The following KCNQ1 variants were observed in gnomAD, a reference collection of about 807,000 sequenced individuals.
KCNQ1 encodes potassium voltage-gated channel subfamily Q member 1, also known as potassium voltage-gated channel subfamily KQT member 1.
Under a neutral mutation model 72.4 loss-of-function variants are expected in KCNQ1, and 49 were observed. That is an observed-to-expected ratio of 0.68 (90% CI 0.54 to 0.86). The LOEUF (loss-of-function observed/expected upper bound fraction) is 0.86, where lower values mean the gene tolerates loss of function less well. Ranked by LOEUF, KCNQ1 falls within the 40% of genes least tolerant of loss-of-function variation. The pLI, the probability that KCNQ1 is intolerant of heterozygous loss-of-function variation, is 0.00. For missense variants in KCNQ1, 790 were observed against 945.1 expected, an observed-to-expected ratio of 0.84 and a Z score of 2.15; for synonymous variants, 450 against 412.6, an observed-to-expected ratio of 1.09 and a Z score of -1.10.
In KCNQ1 at chr11:2,452,932, A is replaced by G. The variant is rs189546246; in HGVS notation, c.386+7448A>G. Among the ~76,000 whole-genome samples, 341 of 152,332 alleles carry G rather than the reference A, an allele frequency of 2.2e-3. 2 individuals are homozygous for G. The highest frequency in any genetic ancestry group is 7.8e-3 in the African/African-American group (323 of 41,574). Reference sequence around the variant, plus strand: ...AGACTGCACCCACTTGTCACATCACACACCAGGATAGACTCCCAGTGGGTC... The same window carrying G: ...AGACTGCACCCACTTGTCACATCACGCACCAGGATAGACTCCCAGTGGGTC... On this transcript the variant is annotated intron_variant, in intron 1 of 15. Coordinates refer to ENST00000155840, the MANE Select transcript of KCNQ1 (RefSeq NM_000218.3).
At chr11:2,754,913 G>C (rs958527643) in intron 11 of KCNQ1, among the ~76,000 whole-genome samples, 14 of 152,190 alleles carry the variant, frequency 9.2e-5, no homozygotes, top group Admixed American at 2.0e-4. Context: ...GTGACAAGTT[G>C]CAGACTGGCG....
At position 2,585,213 on chromosome 11, in the gene KCNQ1, G is replaced by A. The variant is rs120074183; in HGVS notation, c.1034G>A (p.Gly345Glu). The change falls in exon 8 of 16, where the codon GGG becomes GAG. Residue 345 changes from glycine to glutamate, a missense_variant and splice_region_variant. Gly to Glu is a moderately conservative substitution (Grantham distance 98, BLOSUM62 -2). This residue lies in a region of KCNQ1 where 133 missense variants were observed against 219.5 expected (regional missense o/e 0.61). Coordinates refer to ENST00000155840, the MANE Select transcript of KCNQ1 (RefSeq NM_000218.3). ...AGCCTCCTGTCCATTCCTTCCCAGGGGATTCTTGGCTCGGGGTTTGCCCTG... is the reference window on the plus strand; with the variant it reads ...AGCCTCCTGTCCATTCCTTCCCAGGAGATTCTTGGCTCGGGGTTTGCCCTG... ...FAISFFALPA[G>E]ILGSGFALKV... 1.9e-6 allele frequency: 3 copies of A among 1,613,830 alleles called. No homozygotes were observed. Among genetic ancestry groups the A allele is most frequent in the Admixed American group, 1.7e-5 (1 of 60,006 alleles).
At chr11:2,487,591 G>A (rs1469793118) in intron 1 of KCNQ1, among the ~76,000 whole-genome samples, 1 of 151,802 alleles carries the variant, frequency 6.6e-6, no homozygotes, top group East Asian at 1.9e-4. Context: ...TTACCTCCTT[G>A]GTTAAGTTAA....
chr11:2,616,872 T>C (rs184045767), intron 10 of KCNQ1: 180 of 398,250 alleles, frequency 4.5e-4, no homozygotes, highest in African/African-American at 3.2e-3. Flanking sequence ...GGAGTGTCCA[T>C]ATATGTTTGT....
chr11:2,659,089 G>T lies in KCNQ1; in HGVS notation c.1394-2872G>T. The T allele has an allele frequency of 5.0e-6, 2 of 398,478 alleles. No homozygotes were observed. The highest frequency in any genetic ancestry group is 4.4e-5 in the Admixed American group (1 of 22,726). The allele number at this position is 398,478 out of a possible 1,614,324, so 24.7% of individuals were successfully genotyped here. ...CATCATAGTCTGCTTTTCATCGTAG[G>T]GTCCTCCAACATCCGGGTTAATTTT... On this transcript the variant is annotated intron_variant, in intron 10 of 15. Coordinates refer to ENST00000155840, the MANE Select transcript of KCNQ1 (RefSeq NM_000218.3). This position sits in a 1 kb window ranked among gnomAD's most constrained non-coding sequence, Gnocchi z 4.3.
Position 2,488,799 on chromosome 11 carries a change from T to A in KCNQ1, c.387-39129T>A, listed in dbSNP as rs1345819228. Among the ~76,000 whole-genome samples the A allele has an allele frequency of 6.6e-6, 1 of 152,224 alleles. No homozygotes were observed. Among genetic ancestry groups the A allele is most frequent in the African/African-American group, 2.4e-5 (1 of 41,456 alleles). ...TTAAAATCTTTTCAGAGAAGCAACTTTGATTTAATTGATTTTTCTCTATTG... is the reference window on the plus strand; with the variant it reads ...TTAAAATCTTTTCAGAGAAGCAACTATGATTTAATTGATTTTTCTCTATTG... On this transcript the variant is annotated intron_variant, in intron 1 of 15. Transcript: ENST00000155840. The surrounding 1 kb of genome is among the most constrained non-coding windows in gnomAD (Gnocchi z 5.1).
chr11:2,453,001 A>G (rs1846136767), intron 1 of KCNQ1, among the ~76,000 whole-genome samples: 1 of 152,218 alleles, frequency 6.6e-6, no homozygotes, highest in Non-Finnish European at 1.5e-5. Flanking sequence ...GGAATTCTTT[A>G]CCCTGAGAGC....
chr11:2,580,152 C>T (rs376120068), intron 6 of KCNQ1, among the ~76,000 whole-genome samples: 7 of 152,154 alleles, frequency 4.6e-5, no homozygotes, highest in Admixed American at 1.3e-4. Context: ...ACGCTTGGCA[C>T]GCAAGGCAGG....
chr11:2,588,599 G>T lies in KCNQ1; in HGVS notation c.1252-114G>T. 2 of 1,297,728 alleles carry T rather than the reference G, an allele frequency of 1.5e-6. No individual in the cohort carries two copies. The highest frequency in any genetic ancestry group is 4.7e-5 in the East Asian group (2 of 42,714). 80.4% of individuals were successfully genotyped at this position (1,297,728 alleles called of 1,614,324 possible). ...GGCCCCAGGCCTCAGGTCCCTGTCC[G>T]GGTGTATGTGGCGGGGGCTGGGCTC... On this transcript the variant is annotated intron_variant, in intron 9 of 15. Transcript: ENST00000155840. This position sits in a 1 kb window ranked among gnomAD's most constrained non-coding sequence, Gnocchi z 5.6.
At chr11:2,644,844 T>G in intron 10 of KCNQ1, 1 of 398,706 alleles carries the variant, frequency 2.5e-6, no homozygotes, top group Non-Finnish European at 4.4e-6. Context: ...GGAGTTCCTC[T>G]GTAGTTTAGG....
In KCNQ1 at chr11:2,618,125, C is replaced by G. The variant is rs113339032; in HGVS notation, c.1393+29271C>G. On this transcript the variant is annotated intron_variant, in intron 10 of 15. Transcript: ENST00000155840. ...GCCAGAGCCATGTCGAGCTTTTCCC[C>G]TATGTTTTCTTCTGGTTGTGGGTTT... 243 of 398,424 alleles carry G rather than the reference C, an allele frequency of 6.1e-4. 1 individual carries two copies. The highest frequency in any genetic ancestry group is 8.7e-4 in the Non-Finnish European group (196 of 226,024). 24.7% of individuals were successfully genotyped at this position (398,424 alleles called of 1,614,324 possible).
At chr11:2,639,113 G>A (rs902586970) in intron 10 of KCNQ1, 5 of 152,092 alleles carry the variant, frequency 3.3e-5, no homozygotes, top group East Asian at 1.9e-4. Flanking sequence ...TTAGCCATTC[G>A]TCTAATCTTT....
In KCNQ1 at chr11:2,775,960, C is replaced by G. The variant is rs1381293874; in HGVS notation, c.1591C>G (p.Gln531Glu). Residue 531 changes from glutamine (Q) to glutamate (E), a missense_variant and splice_region_variant, in exon 13 of 16, where the codon CAA becomes GAA. Coordinates refer to ENST00000155840, the MANE Select transcript of KCNQ1 (RefSeq NM_000218.3). ...TGATGCGTGTCTTTTTGTCCCGCAG[C>G]AAGCGCGGAAGCCTTACGATGTGCG... is the stretch of plus-strand genomic sequence containing the variant. ...QYFVAKKKFQ[Q>E]ARKPYDVRDV... is the part of the protein sequence containing the mutation. 1.9e-6 allele frequency: 3 copies of G among 1,556,728 alleles called. No homozygotes were observed.
chr11:2,848,828 C>G lies in KCNQ1; in HGVS notation c.*825C>G, dbSNP rs1325864190. On this transcript the variant is annotated 3_prime_UTR_variant, in exon 16 of 16. Coordinates refer to ENST00000155840, the MANE Select transcript of KCNQ1 (RefSeq NM_000218.3). Reference sequence around the variant, plus strand: ...CCTCCCCTTGCCAGCTGCTGAGCCGCAGAGAAGTGACGGTTCCTACACAGG... The same window carrying G: ...CCTCCCCTTGCCAGCTGCTGAGCCGGAGAGAAGTGACGGTTCCTACACAGG... 2.2e-6 allele frequency: 1 copy of G among 454,186 alleles called. No homozygotes were observed. The highest frequency in any genetic ancestry group is 6.9e-5 in the East Asian group (1 of 14,398). The allele number at this position is 454,186 out of a possible 1,614,324, so 28.1% of individuals were successfully genotyped here.
chr11:2,839,094 G>T (rs1472016877), intron 15 of KCNQ1, among the ~76,000 whole-genome samples: 1 of 152,140 alleles, frequency 6.6e-6, no homozygotes, highest in African/African-American at 2.4e-5. Context: ...CTGCCGGCAG[G>T]AAGCTCCTGA....
intron 10 of KCNQ1, chr11:2,619,576 A>G (rs570319714): frequency 2.5e-6 from 1 of 398,494 alleles, no homozygotes; most frequent in Non-Finnish European, 4.4e-6. Context: ...CCAATATTTT[A>G]TTAAGGATTT....
rs1260163019 is a variant in KCNQ1 at position 2,691,572 on chromosome 11, A to G, written c.1514+29491A>G. 5 of 398,446 alleles carry G rather than the reference A, an allele frequency of 1.3e-5. No individual in the cohort carries two copies. Among genetic ancestry groups the G allele is most frequent in the Non-Finnish European group, 4.4e-6 (1 of 226,064 alleles). 24.7% of individuals were successfully genotyped at this position (398,446 alleles called of 1,614,324 possible). Reference sequence around the variant, plus strand: ...TCCTGAGGTTATGAAATACCTCAGCAAGGACGAGGCCTCCCTGAGGGAGTC... The same window carrying G: ...TCCTGAGGTTATGAAATACCTCAGCGAGGACGAGGCCTCCCTGAGGGAGTC... On this transcript the variant is annotated intron_variant, in intron 11 of 15. Coordinates refer to ENST00000155840, the MANE Select transcript of KCNQ1 (RefSeq NM_000218.3). The surrounding 1 kb of genome is among the most constrained non-coding windows in gnomAD (Gnocchi z 6.4).
chr11:2,608,409 C>G lies in KCNQ1; in HGVS notation c.1393+19555C>G. The G allele has an allele frequency of 2.5e-6, 1 of 398,522 alleles. No individual in the cohort carries two copies. The highest frequency in any genetic ancestry group is 2.1e-5 in the African/African-American group (1 of 48,722). 24.7% of individuals were successfully genotyped at this position (398,522 alleles called of 1,614,324 possible). ...TATAATTTATTGGCACAAAATTGTT[C>G]ATAGTGTTCCTTCATAATCCTTTTT... On this transcript the variant is annotated intron_variant, in intron 10 of 15. Coordinates refer to ENST00000155840, the MANE Select transcript of KCNQ1 (RefSeq NM_000218.3). The surrounding 1 kb of genome is among the most constrained non-coding windows in gnomAD (Gnocchi z 4.6).
intron 1 of KCNQ1, among the ~76,000 whole-genome samples, chr11:2,520,003 G>A (rs575882316): frequency 3.9e-5 from 6 of 152,358 alleles, no homozygotes; most frequent in Non-Finnish European, 8.8e-5. Context: ...CCCAGGACGC[G>A]GGAGCCCGCA....
Sources: allele counts gnomAD v4.1 joint callset (sites outside exome capture counted in the v4.1 genomes callset), GRCh38; gene constraint gnomAD v4.1.1; regional missense constraint gnomAD v4.1.1; non-coding constraint Gnocchi (gnomAD v3.1); transcripts MANE v1.5; gene names NCBI Gene and HGNC (gene_info 2026-07-23, HGNC 2026-07-21).